The following DEPTOR variants were observed in gnomAD, a reference collection of about 807,000 sequenced individuals.
The protein encoded by DEPTOR is DEP domain-containing mTOR-interacting protein.
DEPTOR carries 41 observed loss-of-function variants against 41.6 expected under a neutral mutation model. The ratio of observed to expected loss-of-function variants is 0.98; its 90% CI spans 0.77 to 1.28. The LOEUF (loss-of-function observed/expected upper bound fraction) is 1.28. Ranked by LOEUF, DEPTOR falls within the 50% of genes most tolerant of loss-of-function variation. The pLI is 0.00. For synonymous variants in DEPTOR, 195 were observed against 192.3 expected (o/e 1.01, Z -0.12); for missense variants, 514 against 527.9 (o/e 0.97, Z 0.26).
At chr8:119,916,462 G>T (rs1827817269) in intron 1 of DEPTOR, among the ~76,000 whole-genome samples, 1 of 152,180 alleles carries the variant, frequency 6.6e-6, no homozygotes, top group East Asian at 1.9e-4. Flanking sequence ...GTGTATTATG[G>T]TGCCATTCAG....
rs751448802 is a variant in DEPTOR at position 120,006,788 on chromosome 8, TTG to T, written c.926-13_926-12del. 1 of 1,613,302 alleles carries T rather than the reference TTG, an allele frequency of 6.2e-7. No homozygotes were observed. The highest frequency in any genetic ancestry group is 2.2e-5 in the East Asian group (1 of 44,860). ...ACTTGGAAGTGCTTATGTCTTGACA[TTG>T]TGTTTGTCTGCCAGTGCTGAAGAGA... On this transcript the variant is annotated splice_polypyrimidine_tract_variant and intron_variant, in intron 6 of 8. Transcript: ENST00000286234.
At chr8:120,024,628 G>A (rs1219830161) in intron 8 of DEPTOR, among the ~76,000 whole-genome samples, 1 of 152,138 alleles carries the variant, frequency 6.6e-6, no homozygotes, top group Non-Finnish European at 1.5e-5. Flanking sequence ...CATGTGACTG[G>A]AGTGGTGCAT....
chr8:120,049,560 T>C lies in DEPTOR; in HGVS notation c.1102-16T>C. 1 of 1,611,818 alleles carries C rather than the reference T, an allele frequency of 6.2e-7. No individual in the cohort carries two copies. Among genetic ancestry groups the C allele is most frequent in the Non-Finnish European group, 8.5e-7 (1 of 1,178,296 alleles). On this transcript the variant is annotated splice_polypyrimidine_tract_variant and intron_variant, in intron 8 of 8. Transcript: ENST00000286234. ...GGCGCTATAATAGATGCTCTTTCTT[T>C]GCATCTTTCCTTTAGGTCTGTCAGT...
At chr8:120,010,796 C>T (rs1812522267) in intron 8 of DEPTOR, among the ~76,000 whole-genome samples, 1 of 152,118 alleles carries the variant, frequency 6.6e-6, no homozygotes, top group African/African-American at 2.4e-5. Context: ...TAAAACCTAG[C>T]CATTAACATT....
At chr8:119,894,211 C>A (rs1434076554) in intron 1 of DEPTOR, among the ~76,000 whole-genome samples, 3 of 151,480 alleles carry the variant, frequency 2.0e-5, no homozygotes, top group Non-Finnish European at 4.4e-5. Context: ...AGCTGGGACA[C>A]CACACCCAGC....
rs71571643 is a variant in DEPTOR at position 119,988,958 on chromosome 8, CTTTTTTT to C, written c.605-12551_605-12545del. ...GCTATAGCCATATCCTTTTTTTTTT[CTTTTTTT>C]TTTTTTTTTTTTTTTAATAGAGATG... On this transcript the variant is annotated intron_variant, in intron 4 of 8. Transcript: ENST00000286234. Among the ~76,000 whole-genome samples the C allele has an allele frequency of 2.9e-4, 27 of 93,976 alleles. No individual in the cohort carries two copies. In the East Asian group the frequency reaches 4.3e-3, roughly 15 times the overall value. 61.7% of individuals were successfully genotyped at this position (93,976 alleles called of 152,430 possible). A position where few individuals can be genotyped will look rare whatever the true frequency, so the allele number is the denominator to read the frequency against.
At chr8:119,974,235 T>A (rs113238371) in intron 4 of DEPTOR, among the ~76,000 whole-genome samples, 51 of 74,596 alleles carry the variant, frequency 6.8e-4, no homozygotes, top group East Asian at 1.4e-3. Flanking sequence ...CTTGTCTCTT[T>A]AAAAAAAAAA....
intron 8 of DEPTOR, among the ~76,000 whole-genome samples, chr8:120,026,425 C>T (rs78877041): frequency 0.15 from 23,284 of 150,702 alleles, 2,712 homozygotes; most frequent in African/African-American, 0.33. Context: ...TTACTGCAAC[C>T]TCTACCTCCT....
intron 4 of DEPTOR, among the ~76,000 whole-genome samples, chr8:119,971,969 G>T (rs912096908): frequency 6.6e-6 from 1 of 152,186 alleles, no homozygotes; most frequent in Non-Finnish European, 1.5e-5. Flanking sequence ...CACCAGGTGG[G>T]CAAGGTCCTT....
chr8:119,988,958 C>CTTT lies in DEPTOR; in HGVS notation c.605-12547_605-12545dup, dbSNP rs71571643. Among the ~76,000 whole-genome samples the CTTT allele has an allele frequency of 3.7e-3, 351 of 93,870 alleles. 9 individuals carry two copies. The highest frequency in any genetic ancestry group is 7.9e-3 in the East Asian group (22 of 2,800). The allele number at this position is 93,870 out of a possible 152,430, so 61.6% of individuals were successfully genotyped here. A position where few individuals can be genotyped will look rare whatever the true frequency, so the allele number is the denominator to read the frequency against. On this transcript the variant is annotated intron_variant, in intron 4 of 8. Transcript: ENST00000286234. The stretch of plus-strand genomic sequence containing the variant: ...GCTATAGCCATATCCTTTTTTTTTT[C>CTTT]TTTTTTTTTTTTTTTTTTTTTTAAT...
intron 1 of DEPTOR, among the ~76,000 whole-genome samples, chr8:119,885,624 G>A (rs1239711202): frequency 6.6e-6 from 1 of 152,194 alleles, no homozygotes; most frequent in East Asian, 1.9e-4. Context: ...TACTTGAAGA[G>A]CCAGAAGCCA....
At chr8:119,914,331 C>T (rs748755824) in intron 1 of DEPTOR, among the ~76,000 whole-genome samples, 2 of 151,940 alleles carry the variant, frequency 1.3e-5, no homozygotes, top group Non-Finnish European at 2.9e-5. Flanking sequence ...CATGAGCCAC[C>T]GTGCCCACCC....
rs35630187 is a variant in DEPTOR at position 119,905,632 on chromosome 8, C to CT, written c.123-22752dup. Among the ~76,000 whole-genome samples, 253 of 136,512 alleles carry CT rather than the reference C, an allele frequency of 1.9e-3. 2 individuals are homozygous for CT. The highest frequency in any genetic ancestry group is 3.9e-3 in the African/African-American group (142 of 36,190). The allele number at this position is 136,512 out of a possible 152,430, so 89.6% of individuals were successfully genotyped here. ...TTCCCCAATATGGGCTTTATATGGGCTTTTTTTTTTTTTTTTGAGACAGAG... is the reference window on the plus strand; with the variant it reads ...TTCCCCAATATGGGCTTTATATGGGCTTTTTTTTTTTTTTTTTGAGACAGAG... On this transcript the variant is annotated intron_variant, in intron 1 of 8. Transcript: ENST00000286234.
At chr8:119,898,345 T>C (rs1480366240) in intron 1 of DEPTOR, among the ~76,000 whole-genome samples, 1 of 152,208 alleles carries the variant, frequency 6.6e-6, no homozygotes, top group Non-Finnish European at 1.5e-5. Context: ...TAGAAATTGT[T>C]GGCATTCTCC....
intron 1 of DEPTOR, among the ~76,000 whole-genome samples, chr8:119,914,265 C>G (rs1406554886): frequency 6.6e-6 from 1 of 150,800 alleles, no homozygotes; most frequent in Non-Finnish European, 1.5e-5. Context: ...TGGTCTCAAA[C>G]TCCTGACCTC....
intron 7 of DEPTOR, among the ~76,000 whole-genome samples, chr8:120,007,329 A>G (rs1261733682): frequency 6.6e-6 from 1 of 152,198 alleles, no homozygotes; most frequent in African/African-American, 2.4e-5. Flanking sequence ...TTAAAACATT[A>G]GGGGAGTGTT....
At chr8:120,026,431 C>A (rs1812798283) in intron 8 of DEPTOR, among the ~76,000 whole-genome samples, 1 of 150,176 alleles carries the variant, frequency 6.7e-6, no homozygotes, top group South Asian at 2.1e-4. Context: ...CAACCTCTAC[C>A]TCCTGGGTTC....
chr8:119,931,793 A>G (rs1317296455), intron 3 of DEPTOR, among the ~76,000 whole-genome samples: 2 of 151,950 alleles, frequency 1.3e-5, no homozygotes, highest in Non-Finnish European at 2.9e-5. Context: ...CTTTCTTTTA[A>G]TTTCTTAGTT....
At chr8:119,911,210 G>A (rs1353379395) in intron 1 of DEPTOR, among the ~76,000 whole-genome samples, 1 of 151,966 alleles carries the variant, frequency 6.6e-6, no homozygotes, top group Non-Finnish European at 1.5e-5. Flanking sequence ...CTCCTGGAGT[G>A]CCCTGTGAAC....
Sources: allele counts gnomAD v4.1 joint callset (sites outside exome capture counted in the v4.1 genomes callset), GRCh38; gene constraint gnomAD v4.1.1; transcripts MANE v1.5; gene names NCBI Gene and HGNC (gene_info 2026-07-23, HGNC 2026-07-21).